Variants in EVC2 observed in about 807,000 individuals in gnomAD.
The protein encoded by EVC2 is limbin.
Under a neutral mutation model 149.3 loss-of-function variants are expected in EVC2, and 148 were observed. The ratio of observed to expected loss-of-function variants is 0.99; its 90% CI spans 0.87 to 1.14. The LOEUF (loss-of-function observed/expected upper bound fraction) is 1.14. EVC2 is among the 50% of genes most tolerant of loss of function. EVC2 has a pLI of 0.00. For missense variants in EVC2, 1,854 were observed against 1,627.3 expected (o/e 1.14, Z -2.40); for synonymous variants, 776 against 649.9 (o/e 1.19, Z -2.95).
intron 7 of EVC2, among the ~76,000 whole-genome samples, chr4:5,667,372 A>G (rs1719348984): frequency 6.6e-6 from 1 of 151,912 alleles, no homozygotes. Flanking sequence ...TATTATTACT[A>G]CTATTATGAT....
At chr4:5,707,545 C>T (rs2151749252) in intron 1 of EVC2, among the ~76,000 whole-genome samples, 1 of 152,128 alleles carries the variant, frequency 6.6e-6, no homozygotes, top group Non-Finnish European at 1.5e-5. Flanking sequence ...ACAGACCACC[C>T]CAGAGGTCTG....
intron 9 of EVC2, among the ~76,000 whole-genome samples, chr4:5,646,705 T>C (rs1717748218): frequency 6.6e-6 from 1 of 152,228 alleles, no homozygotes; most frequent in Admixed American, 6.5e-5. Flanking sequence ...GCTTGTTTCG[T>C]TATGTTTTAG....
chr4:5,567,711 T>C lies in EVC2; in HGVS notation c.3557+733A>G, dbSNP rs1354919514. Among the ~76,000 whole-genome samples the C allele has an allele frequency of 6.6e-6, 1 of 151,786 alleles. No individual in the cohort carries two copies. The highest frequency in any genetic ancestry group is 6.6e-5 in the Admixed American group (1 of 15,250). On this transcript the variant is annotated intron_variant, in intron 20 of 21. Transcript: ENST00000344408. The surrounding 1 kb of genome is among the most constrained non-coding windows in gnomAD (Gnocchi z 4.4). ...GAGACTGTCTATGCAGAGTTACCCATAATTTAAAAAAAAATGGGCCCAAAC... is the reference window on the plus strand; with the variant it reads ...GAGACTGTCTATGCAGAGTTACCCACAATTTAAAAAAAAATGGGCCCAAAC...
intron 16 of EVC2, among the ~76,000 whole-genome samples, chr4:5,589,368 T>C (rs1376694612): frequency 2.0e-5 from 3 of 152,214 alleles, no homozygotes; most frequent in Non-Finnish European, 4.4e-5. Context: ...CTAAGTATTT[T>C]GGGTGGTCTT....
intron 9 of EVC2, among the ~76,000 whole-genome samples, chr4:5,655,267 C>T (rs1464322295): frequency 6.6e-6 from 1 of 152,224 alleles, no homozygotes; most frequent in Non-Finnish European, 1.5e-5. Context: ...GACAGGGCTG[C>T]TGTCCACCTT....
chr4:5,588,827 C>T (rs1577124287), intron 16 of EVC2, among the ~76,000 whole-genome samples: 1 of 152,286 alleles, frequency 6.6e-6, no homozygotes, highest in East Asian at 1.9e-4. Context: ...TGTTTTACCC[C>T]ATTTATGCTG....
At chr4:5,702,834 C>G (rs919910236) in intron 1 of EVC2, among the ~76,000 whole-genome samples, 1 of 152,162 alleles carries the variant, frequency 6.6e-6, no homozygotes, top group Non-Finnish European at 1.5e-5. Flanking sequence ...CTTCACCTCA[C>G]CTGGAATCAC....
At chr4:5,650,475 A>G (rs4266236) in intron 9 of EVC2, among the ~76,000 whole-genome samples, 103,966 of 151,228 alleles carry the variant, frequency 0.69, 36,368 homozygotes, top group African/African-American at 0.82. Context: ...ATGAGCTCAG[A>G]TGGTTTATTC....
chr4:5,566,069 C>G (rs1349470039), intron 20 of EVC2, among the ~76,000 whole-genome samples: 1 of 152,240 alleles, frequency 6.6e-6, no homozygotes. Context: ...AGAGAGGACA[C>G]AGTGGGAGCT....
chr4:5,593,047 T>C (rs992720091), intron 16 of EVC2, among the ~76,000 whole-genome samples: 1 of 152,210 alleles, frequency 6.6e-6, no homozygotes, highest in East Asian at 1.9e-4. Flanking sequence ...TCTGCAATTC[T>C]CCTTGCTGCT....
At chr4:5,655,855 T>C (rs1382670563) in intron 9 of EVC2, among the ~76,000 whole-genome samples, 2 of 152,040 alleles carry the variant, frequency 1.3e-5, no homozygotes. Flanking sequence ...AGGGGCATTA[T>C]TTATGGGCCT....
At chr4:5,602,685 T>C (rs1424051727) in intron 16 of EVC2, among the ~76,000 whole-genome samples, 1 of 152,210 alleles carries the variant, frequency 6.6e-6, no homozygotes, top group Non-Finnish European at 1.5e-5. Flanking sequence ...AACATTTACA[T>C]GCTTATAATC....
Position 5,633,523 on chromosome 4 carries a change from T to C in EVC2, c.1471-1491A>G, listed in dbSNP as rs1236773938. On this transcript the variant is annotated intron_variant, in intron 10 of 21. Transcript: ENST00000344408. The surrounding 1 kb of genome is among the most constrained non-coding windows in gnomAD (Gnocchi z 4.4). ...GGAGGAAGCGTGTTGAAAGCAAGTG[T>C]TCAGGCTCCAAGCTCTGAAACCACT... 6.6e-6 allele frequency among the ~76,000 whole-genome samples: 1 copy of C among 152,220 alleles called. No individual in the cohort carries two copies. The highest frequency in any genetic ancestry group is 2.4e-5 in the African/African-American group (1 of 41,460).
chr4:5,709,148 G>A (rs1341882699), upstream of EVC2: 1 of 152,764 alleles, frequency 6.5e-6, no homozygotes, highest in Non-Finnish European at 1.5e-5. Flanking sequence ...CCAGCCGCTG[G>A]GCCACCTCTC....
intron 7 of EVC2, among the ~76,000 whole-genome samples, chr4:5,668,691 C>T (rs1719435284): frequency 6.6e-6 from 1 of 152,132 alleles, no homozygotes; most frequent in South Asian, 2.1e-4. Flanking sequence ...GATTTTTAAT[C>T]CCCTTTATCT....
intron 21 of EVC2, among the ~76,000 whole-genome samples, chr4:5,546,743 A>T (rs1721630846): frequency 6.6e-6 from 1 of 151,752 alleles, no homozygotes; most frequent in South Asian, 2.1e-4. Context: ...AAAAAAGGGA[A>T]CTGACATAGC....
chr4:5,547,795 G>A (rs1249868715), intron 21 of EVC2, among the ~76,000 whole-genome samples: 1 of 152,190 alleles, frequency 6.6e-6, no homozygotes, highest in Non-Finnish European at 1.5e-5. Context: ...AAACAGGGCT[G>A]AAACATACCC....
intron 19 of EVC2, among the ~76,000 whole-genome samples, chr4:5,573,269 T>TAGGG (rs1265054317): frequency 2.6e-5 from 4 of 152,132 alleles, no homozygotes; most frequent in African/African-American, 9.7e-5. Context: ...GGCCTTGAGA[T>TAGGG]AGGGTGGGAA....
At chr4:5,634,593 T>C (rs1299316530) in intron 10 of EVC2, among the ~76,000 whole-genome samples, 1 of 152,186 alleles carries the variant, frequency 6.6e-6, no homozygotes, top group Non-Finnish European at 1.5e-5. Context: ...AAGAATAAAG[T>C]ATGAGGCAAT....
Sources: allele counts gnomAD v4.1 joint callset (sites outside exome capture counted in the v4.1 genomes callset), GRCh38; gene constraint gnomAD v4.1.1; non-coding constraint Gnocchi (gnomAD v3.1); transcripts MANE v1.5; gene names NCBI Gene and HGNC (gene_info 2026-07-23, HGNC 2026-07-21).